The following WRAP53 variants were observed in gnomAD, a reference collection of about 807,000 sequenced individuals.
WRAP53 encodes the protein WD repeat containing antisense to TP53.
WRAP53 carries 28 observed loss-of-function variants against 56.6 expected under a neutral mutation model. That is an observed-to-expected ratio of 0.50 (90% CI 0.37 to 0.68). The LOEUF is 0.68. WRAP53 is among the 30% of genes least tolerant of loss of function. The pLI, the probability that WRAP53 is intolerant of heterozygous loss-of-function variation, is 0.00. For missense variants in WRAP53, 671 were observed against 715.5 expected (o/e 0.94, Z 0.71); for synonymous variants, 283 against 283.4 (o/e 1.00, Z 0.01).
intron 4 of WRAP53, among the ~76,000 whole-genome samples, chr17:7,699,522 T>TTTATATATATATATATATATATATATATA (rs1429418083): frequency 7.1e-5 from 1 of 14,100 alleles, no homozygotes; most frequent in African/African-American, 3.5e-4. Flanking sequence ...ATATATATAT[T>TTTATATATATATATATATATATATATATA]TATATATATA....
In WRAP53 at chr17:7,702,464, C is replaced by G; in HGVS notation, c.1076C>G (p.Pro359Arg). The G allele has an allele frequency of 6.2e-7, 1 of 1,614,088 alleles. No homozygotes were observed. Among genetic ancestry groups the G allele is most frequent in the Non-Finnish European group, 8.5e-7 (1 of 1,180,042 alleles). Residue 359 changes from proline to arginine, a missense_variant, in exon 8 of 11, where the codon CCT becomes CGT. Physicochemically the swap from Pro to Arg is moderately radical, Grantham distance 103. Coordinates refer to ENST00000396463, the MANE Select transcript of WRAP53 (RefSeq NM_001143992.2). This position sits in a 1 kb window ranked among gnomAD's most constrained non-coding sequence, Gnocchi z 5.0. ...CTGTATGCCTGGGATGATGGCTCCC[C>G]TCTCGCCTTGCTGGGAGGGCACCAA... ...LGLYAWDDGS[P>R]LALLGGHQGG...
intron 4 of WRAP53, among the ~76,000 whole-genome samples, chr17:7,698,544 C>T (rs2074216311): frequency 6.6e-6 from 1 of 151,886 alleles, no homozygotes; most frequent in African/African-American, 2.4e-5. Flanking sequence ...CCAGCGTGAG[C>T]AACACAGACC....
At chr17:7,698,809 G>T (rs1472020343) in intron 4 of WRAP53, among the ~76,000 whole-genome samples, 1 of 152,106 alleles carries the variant, frequency 6.6e-6, no homozygotes, top group Non-Finnish European at 1.5e-5. Context: ...CTGGGAGGCA[G>T]AGGTTGCAGT....
rs528690388 is a variant in WRAP53, at chr17:7,690,570, G to T, written c.642+869G>T. ...TCTGGAAAGAGCTTTCCAGGAACTGGCAATGATACTATAAACACCCAGAAC... is the reference window on the plus strand; with the variant it reads ...TCTGGAAAGAGCTTTCCAGGAACTGTCAATGATACTATAAACACCCAGAAC... On this transcript the variant is annotated intron_variant, in intron 4 of 10. Coordinates refer to ENST00000396463, the MANE Select transcript of WRAP53 (RefSeq NM_001143992.2). Among the ~76,000 whole-genome samples, 8 of 152,298 alleles carry T rather than the reference G, an allele frequency of 5.3e-5. No homozygotes were observed. The South Asian group carries it at 1.7e-3, about 32-fold the overall frequency.
At position 7,688,646 on chromosome 17, in the gene WRAP53, A is replaced by C; in HGVS notation, c.-1-2A>C. The C allele has an allele frequency of 1.2e-6, 2 of 1,614,186 alleles. No individual in the cohort carries two copies. Among genetic ancestry groups the C allele is most frequent in the Non-Finnish European group, 1.7e-6 (2 of 1,180,024 alleles). Reference sequence around the variant, plus strand: ...CTAATCTCCGCTGTGCTTCCTCTGCAGTATGAAGACTTTGGAGACTCAACC... The same window carrying C: ...CTAATCTCCGCTGTGCTTCCTCTGCCGTATGAAGACTTTGGAGACTCAACC... On this transcript the variant is annotated splice_acceptor_variant, in intron 1 of 10. Coordinates refer to ENST00000396463, the MANE Select transcript of WRAP53 (RefSeq NM_001143992.2). LOFTEE classifies it low-confidence loss of function (5UTR_SPLICE).
chr17:7,696,544 C>T (rs1440659538), intron 4 of WRAP53, among the ~76,000 whole-genome samples: 1 of 152,096 alleles, frequency 6.6e-6, no homozygotes, highest in Non-Finnish European at 1.5e-5. Context: ...GTGATCCGCC[C>T]GCCTTGGCCT....
intron 4 of WRAP53, among the ~76,000 whole-genome samples, chr17:7,696,455 C>T (rs1231909296): frequency 2.6e-5 from 4 of 152,036 alleles, no homozygotes; most frequent in African/African-American, 7.2e-5. Context: ...CCCGCCACCA[C>T]GCCTGGCTAA....
chr17:7,702,035 TTTGGTC>T lies in WRAP53; in HGVS notation c.955+248_955+253del, dbSNP rs1051029444. 1 of 747,292 alleles carries T rather than the reference TTTGGTC, an allele frequency of 1.3e-6. No individual in the cohort carries two copies. Among genetic ancestry groups the T allele is most frequent in the African/African-American group, 1.7e-5 (1 of 57,934 alleles). The allele number at this position is 747,292 out of a possible 1,614,324, so 46.3% of individuals were successfully genotyped here. A position where few individuals can be genotyped will look rare whatever the true frequency, so the allele number is the denominator to read the frequency against. Reference sequence around the variant, plus strand: ...CTCATACCCTGTCAGCTGTGGAGCTTTTGGTCTCTGAAATCTTTCTAGAAAATTGTT... The same window carrying T: ...CTCATACCCTGTCAGCTGTGGAGCTTTCTGAAATCTTTCTAGAAAATTGTT... On this transcript the variant is annotated intron_variant, in intron 7 of 10. Coordinates refer to ENST00000396463, the MANE Select transcript of WRAP53 (RefSeq NM_001143992.2). This position sits in a 1 kb window ranked among gnomAD's most constrained non-coding sequence, Gnocchi z 5.0.
Position 7,701,858 on chromosome 17 carries a change from G to C in WRAP53, c.955+69G>C, listed in dbSNP as rs769334931. The C allele has an allele frequency of 3.2e-6, 5 of 1,570,106 alleles. No individual in the cohort carries two copies. Among genetic ancestry groups the C allele is most frequent in the Non-Finnish European group, 4.3e-6 (5 of 1,158,898 alleles). ...TGCCACCTGCACAGGGGCCTTTTGT[G>C]AGCCGGGGGCCACCTGTGGGGGTTC... On this transcript the variant is annotated intron_variant, in intron 7 of 10. Coordinates refer to ENST00000396463, the MANE Select transcript of WRAP53 (RefSeq NM_001143992.2). The surrounding 1 kb of genome is among the most constrained non-coding windows in gnomAD (Gnocchi z 4.2).
chr17:7,699,522 T>TA (rs1567577715), intron 4 of WRAP53, among the ~76,000 whole-genome samples: 256 of 14,042 alleles, frequency 0.018, 21 homozygotes, highest in Middle Eastern at 0.042. Flanking sequence ...ATATATATAT[T>TA]TATATATATA....
intron 1 of WRAP53, 38 bp from the exon 2 acceptor site, chr17:7,688,610 C>T: frequency 6.2e-7 from 1 of 1,611,520 alleles, no homozygotes; most frequent in Non-Finnish European, 8.5e-7. Flanking sequence ...TCGAAGCCAT[C>T]CTGGCTGAGG....
At chr17:7,688,443 G>A (rs17551150), upstream of WRAP53, 2,187 of 594,934 alleles carry the variant, frequency 3.7e-3, 44 homozygotes, top group East Asian at 0.047. Context: ...GCGACAGCAA[G>A]AGGCCCGTAG....
intron 4 of WRAP53, among the ~76,000 whole-genome samples, chr17:7,693,806 C>T (rs1460370579): frequency 6.6e-6 from 1 of 152,162 alleles, no homozygotes; most frequent in African/African-American, 2.4e-5. Flanking sequence ...TCACTGGTAT[C>T]AGTTGTGTGC....
At chr17:7,696,129 G>A (rs143157393) in intron 4 of WRAP53, among the ~76,000 whole-genome samples, 121 of 152,036 alleles carry the variant, frequency 8.0e-4, no homozygotes, top group Middle Eastern at 3.4e-3. Flanking sequence ...GCATCTAAGA[G>A]ACCTGAAGGA....
Position 7,689,652 on chromosome 17 carries a change from T to A in WRAP53, c.593T>A (p.Leu198Gln). 2 of 1,614,108 alleles carry A rather than the reference T, an allele frequency of 1.2e-6. No individual in the cohort carries two copies. Among genetic ancestry groups the A allele is most frequent in the Non-Finnish European group, 1.7e-6 (2 of 1,180,004 alleles). Residue 198 changes from leucine (L) to glutamine (Q), a missense_variant, in exon 4 of 11, where the codon CTG (leucine) becomes CAG (glutamine). This residue lies in a region of WRAP53 where 406 missense variants were observed against 418.5 expected (regional missense o/e 0.97). Transcript: ENST00000396463. ...GATAACATCTTGCGAATTTATAACC[T>A]GCCCCCAGAGCTGTACCATGAGGGG... ...SADNILRIYNLPPELYHEGEQ... is the reference protein window; with the variant it reads ...SADNILRIYNQPPELYHEGEQ...
rs755972975 is a variant in WRAP53 at position 7,689,552 on chromosome 17, T to C, written c.531-38T>C. The C allele has an allele frequency of 5.0e-6, 8 of 1,589,896 alleles. No homozygotes were observed. In the Admixed American group the frequency reaches 1.3e-4, roughly 27 times the overall value. ...GCCCTAGCCCTACACTTGAAAAGCA[T>C]AGGTCTGGCCAGCTTTCTAACTCTC... On this transcript the variant is annotated intron_variant, in intron 3 of 10. Transcript: ENST00000396463.
chr17:7,692,775 CAG>C (rs2074131074), intron 4 of WRAP53, among the ~76,000 whole-genome samples: 1 of 100,194 alleles, frequency 1.0e-5, no homozygotes, highest in South Asian at 3.6e-4. Flanking sequence ...TTTTTTGAGA[CAG>C]AGTCTCGCTC....
At chr17:7,690,898 T>C (rs1016486151) in intron 4 of WRAP53, among the ~76,000 whole-genome samples, 1 of 150,516 alleles carries the variant, frequency 6.6e-6, no homozygotes, top group African/African-American at 2.5e-5. Flanking sequence ...GGCGACAGAG[T>C]GAGACTCCAT....
upstream of WRAP53, chr17:7,686,129 A>C (rs1378082577): frequency 2.0e-5 from 3 of 152,234 alleles, no homozygotes; most frequent in African/African-American, 7.2e-5. Context: ...GGCTGCACGG[A>C]GGACCACACG....
Sources: allele counts gnomAD v4.1 joint callset (sites outside exome capture counted in the v4.1 genomes callset), GRCh38; gene constraint gnomAD v4.1.1; regional missense constraint gnomAD v4.1.1; non-coding constraint Gnocchi (gnomAD v3.1); transcripts MANE v1.5; gene names NCBI Gene and HGNC (gene_info 2026-07-23, HGNC 2026-07-21).